The following TMTC2 variants were observed in gnomAD, a reference collection of about 807,000 sequenced individuals.
TMTC2 encodes the protein protein O-mannosyl-transferase TMTC2.
In TMTC2, 43 loss-of-function variants were observed where a neutral mutation model predicts 82.4. The ratio of observed to expected loss-of-function variants is 0.52; its 90% CI spans 0.41 to 0.67. The LOEUF is 0.67. Among genes scored for constraint, TMTC2 ranks in the 30% least tolerant of loss-of-function variants. TMTC2 has a pLI of 0.00. For missense variants in TMTC2, 919 were observed against 1,012.4 expected (o/e 0.91, Z 1.25); for synonymous variants, 408 against 381.9 (o/e 1.07, Z -0.80).
chr12:82,993,045 C>T (rs548778410), intron 8 of TMTC2, among the ~76,000 whole-genome samples: 3 of 152,136 alleles, frequency 2.0e-5, no homozygotes, highest in South Asian at 2.1e-4. Context: ...AGTGCAGTGG[C>T]ACGATTTCGG....
rs1880227489 is a variant in TMTC2, at chr12:83,006,843, TCACAAGGACAGAAAACCAAACAC to T, written c.2070+20798_2070+20820del. ...GGAAACCATCATTCTCAGCAAACTATCACAAGGACAGAAAACCAAACACTGCATGTTCGTTCTCACTCATAGGT... is the reference window on the plus strand; with the variant it reads ...GGAAACCATCATTCTCAGCAAACTATTGCATGTTCGTTCTCACTCATAGGT... On this transcript the variant is annotated intron_variant, in intron 8 of 11. Coordinates refer to ENST00000321196, the MANE Select transcript of TMTC2 (RefSeq NM_152588.3). 5.9e-5 allele frequency among the ~76,000 whole-genome samples: 9 copies of T among 151,420 alleles called. 1 individual carries two copies. The South Asian group carries it at 1.9e-3, about 31-fold the overall frequency.
chr12:82,959,465 C>G (rs1198723033), intron 4 of TMTC2, among the ~76,000 whole-genome samples: 1 of 152,042 alleles, frequency 6.6e-6, no homozygotes, highest in East Asian at 1.9e-4. Context: ...GGTACTGATA[C>G]AAAATCAGAC....
intron 11 of TMTC2, among the ~76,000 whole-genome samples, chr12:83,126,425 A>G (rs1261081127): frequency 1.3e-5 from 2 of 152,144 alleles, no homozygotes; most frequent in Admixed American, 6.6e-5. Flanking sequence ...CTAAAATATA[A>G]TAAAAAACCT....
intron 3 of TMTC2, among the ~76,000 whole-genome samples, chr12:82,923,155 T>A (rs1430199271): frequency 1.3e-5 from 2 of 152,210 alleles, no homozygotes; most frequent in African/African-American, 4.8e-5. Flanking sequence ...TACCAGTAGT[T>A]GACCTTATCC....
At chr12:83,095,589 G>A (rs79926011) in intron 11 of TMTC2, among the ~76,000 whole-genome samples, 11,736 of 152,092 alleles carry the variant, frequency 0.077, 524 homozygotes, top group East Asian at 0.22. Context: ...GCTATATCCC[G>A]AGACGGGGAA....
intron 1 of TMTC2, among the ~76,000 whole-genome samples, chr12:82,732,637 A>C (rs1352900319): frequency 6.6e-6 from 1 of 152,138 alleles, no homozygotes. Context: ...GCCACCGCAC[A>C]CAGCTGGTTC....
At chr12:82,911,706 A>C (rs901316710) in intron 3 of TMTC2, among the ~76,000 whole-genome samples, 26 of 151,866 alleles carry the variant, frequency 1.7e-4, no homozygotes, top group African/African-American at 5.6e-4. Flanking sequence ...GGTGCAAGTG[A>C]TTCGTGTGCC....
At chr12:82,732,477 G>A (rs1016967524) in intron 1 of TMTC2, among the ~76,000 whole-genome samples, 5 of 151,952 alleles carry the variant, frequency 3.3e-5, no homozygotes, top group Admixed American at 6.6e-5. Context: ...TGAATAGCTG[G>A]GACTACAGGC....
At chr12:82,820,415 G>A (rs1211911515) in intron 1 of TMTC2, among the ~76,000 whole-genome samples, 1 of 151,658 alleles carries the variant, frequency 6.6e-6, no homozygotes, top group African/African-American at 2.4e-5. Context: ...ATAACGCCCA[G>A]GCTGGAGTGC....
intron 8 of TMTC2, among the ~76,000 whole-genome samples, chr12:82,986,878 C>G (rs1452965655): frequency 6.6e-6 from 1 of 152,066 alleles, no homozygotes; most frequent in Non-Finnish European, 1.5e-5. Context: ...GTTTTCTGAG[C>G]TCACATAGAC....
chr12:82,944,389 CCT>C (rs1298604420), intron 4 of TMTC2, among the ~76,000 whole-genome samples: 196 of 151,914 alleles, frequency 1.3e-3, no homozygotes, highest in African/African-American at 4.5e-3. Context: ...TCGAGAACAT[CCT>C]GGCTAACACG....
intron 11 of TMTC2, among the ~76,000 whole-genome samples, chr12:83,078,819 C>G (rs1389463990): frequency 6.6e-6 from 1 of 152,046 alleles, no homozygotes; most frequent in Non-Finnish European, 1.5e-5. Context: ...TGCTTTACAA[C>G]ATATTTACAT....
chr12:82,715,042 C>A (rs149394939), intron 1 of TMTC2, among the ~76,000 whole-genome samples: 1 of 151,952 alleles, frequency 6.6e-6, no homozygotes, highest in African/African-American at 2.4e-5. Context: ...GAGGCCAAGG[C>A]GGGAGGATCA....
intron 1 of TMTC2, among the ~76,000 whole-genome samples, chr12:82,837,522 A>T (rs1870114552): frequency 6.6e-6 from 1 of 152,160 alleles, no homozygotes; most frequent in African/African-American, 2.4e-5. Flanking sequence ...GTCATCCCAG[A>T]GTTGAATTCT....
At chr12:82,702,578 G>A (rs1005816623) in intron 1 of TMTC2, among the ~76,000 whole-genome samples, 3 of 152,174 alleles carry the variant, frequency 2.0e-5, no homozygotes, top group African/African-American at 7.2e-5. Flanking sequence ...ATTGGTGCAA[G>A]AAACCAACTG....
At chr12:82,820,628 G>A (rs1869039639) in intron 1 of TMTC2, among the ~76,000 whole-genome samples, 1 of 152,158 alleles carries the variant, frequency 6.6e-6, no homozygotes, top group Admixed American at 6.5e-5. Context: ...GCCTGCCTCA[G>A]CCTCCCAAAG....
chr12:82,721,777 A>G (rs1164308566), intron 1 of TMTC2, among the ~76,000 whole-genome samples: 1 of 152,216 alleles, frequency 6.6e-6, no homozygotes, highest in Non-Finnish European at 1.5e-5. Flanking sequence ...CTTTAATAAT[A>G]TGTGTGACTA....
chr12:82,854,396 C>T (rs933218834), intron 1 of TMTC2, among the ~76,000 whole-genome samples: 12 of 152,118 alleles, frequency 7.9e-5, no homozygotes, highest in Non-Finnish European at 1.3e-4. Flanking sequence ...CTAAGGACAC[C>T]TTGTGGGCCA....
At chr12:82,812,083 G>T (rs762213190) in intron 1 of TMTC2, among the ~76,000 whole-genome samples, 1 of 152,020 alleles carries the variant, frequency 6.6e-6, no homozygotes, top group Non-Finnish European at 1.5e-5. Context: ...CTCCCAAGGT[G>T]CTGGGATTAC....
Sources: gnomAD v4.1 joint callset for allele counts (sites outside exome capture counted in the v4.1 genomes callset) on GRCh38, gnomAD v4.1.1 for gene constraint, MANE v1.5 for transcripts, NCBI Gene and HGNC (gene_info 2026-07-23, HGNC 2026-07-21) for gene names.